ASTN2: variants seen among roughly 807,000 people sequenced by gnomAD.
ASTN2 encodes astrotactin 2.
Under a neutral mutation model 139.8 loss-of-function variants are expected in ASTN2, and 54 were observed. The observed-to-expected ratio is 0.39, with a 90% confidence interval of 0.31 to 0.48. ASTN2 has a LOEUF of 0.48. Among genes scored for constraint, ASTN2 ranks in the 20% least tolerant of loss-of-function variants. The pLI is 0.95. For synonymous variants in ASTN2, 756 were observed against 719.5 expected, an observed-to-expected ratio of 1.05 and a Z score of -0.81; for missense variants, 1,565 against 1,725.1, an observed-to-expected ratio of 0.91 and a Z score of 1.64.
In ASTN2 at chr9:117,138,364, A is replaced by G. The variant is rs1353474624; in HGVS notation, c.1168+2962T>C. 5.3e-5 allele frequency among the ~76,000 whole-genome samples: 8 copies of G among 152,172 alleles called. No individual in the cohort carries two copies. In the East Asian group the frequency reaches 1.5e-3, roughly 29 times the overall value. On this transcript the variant is annotated intron_variant, in intron 4 of 22. Coordinates refer to ENST00000313400, the MANE Select transcript of ASTN2 (RefSeq NM_001365068.1). ...CTGGGGGAAAGAAAGAGGCATGGCA[A>G]GGAGAAGGAGGAACAAGTTCTCAGA...
At chr9:117,027,252 C>G (rs1838115078) in intron 6 of ASTN2, among the ~76,000 whole-genome samples, 1 of 152,164 alleles carries the variant, frequency 6.6e-6, no homozygotes, top group African/African-American at 2.4e-5. Flanking sequence ...TTATTTCATG[C>G]AGCTAGCATT....
intron 4 of ASTN2, among the ~76,000 whole-genome samples, chr9:117,120,018 G>GTGTGTATGTATATATA (rs1306397698): frequency 2.2e-5 from 1 of 46,000 alleles, no homozygotes; most frequent in Non-Finnish European, 3.9e-5. Flanking sequence ...GTGTGTGTGT[G>GTGTGTATGTATATATA]TATATATATA....
chr9:116,533,819 T>A (rs1013572796), intron 19 of ASTN2, among the ~76,000 whole-genome samples: 54 of 152,302 alleles, frequency 3.5e-4, no homozygotes, highest in African/African-American at 1.3e-3. Flanking sequence ...GGTCTAAAAT[T>A]CTCTTTTTTT....
intron 5 of ASTN2, among the ~76,000 whole-genome samples, chr9:117,059,631 A>C (rs1037330730): frequency 1.3e-5 from 2 of 152,206 alleles, no homozygotes; most frequent in South Asian, 2.1e-4. Context: ...TACTATTAAA[A>C]AAACAAACAA....
intron 5 of ASTN2, among the ~76,000 whole-genome samples, chr9:117,095,175 C>T (rs967868460): frequency 1.3e-5 from 2 of 152,196 alleles, no homozygotes; most frequent in Non-Finnish European, 2.9e-5. Flanking sequence ...TGCCCTTTAT[C>T]ACTGGCATGG....
At chr9:117,063,378 G>T (rs571667106) in intron 5 of ASTN2, among the ~76,000 whole-genome samples, 2 of 152,130 alleles carry the variant, frequency 1.3e-5, no homozygotes. Context: ...ATTGAATCAC[G>T]GGGGTGATTT....
chr9:117,398,143 T>C (rs1379169171), intron 1 of ASTN2, among the ~76,000 whole-genome samples: 6 of 152,102 alleles, frequency 3.9e-5, no homozygotes, highest in Non-Finnish European at 5.9e-5. Context: ...AAAAAGAAAA[T>C]TCCCTAAGAC....
At chr9:117,003,403 C>T (rs1028322441) in intron 7 of ASTN2, among the ~76,000 whole-genome samples, 8 of 152,080 alleles carry the variant, frequency 5.3e-5, no homozygotes, top group African/African-American at 1.9e-4. Flanking sequence ...TATATCCTGG[C>T]TTTGCAGTTT....
intron 1 of ASTN2, among the ~76,000 whole-genome samples, chr9:117,300,506 T>C (rs148801797): frequency 3.9e-5 from 6 of 152,316 alleles, no homozygotes; most frequent in Non-Finnish European, 5.9e-5. Context: ...TCAGCAAAGA[T>C]GATAAGTGTG....
intron 9 of ASTN2, among the ~76,000 whole-genome samples, 193 bp downstream of exon 9, chr9:116,975,921 G>A (rs1323035682): frequency 6.6e-6 from 1 of 152,182 alleles, no homozygotes; most frequent in Non-Finnish European, 1.5e-5. Context: ...AAGTCTAGCT[G>A]CCAGACAAAT....
At chr9:116,778,505 G>A (rs188367272) in intron 13 of ASTN2, among the ~76,000 whole-genome samples, 1 of 152,040 alleles carries the variant, frequency 6.6e-6, no homozygotes, top group Non-Finnish European at 1.5e-5. Flanking sequence ...ATACTTGGGG[G>A]CTTCTCAAAA....
At chr9:116,505,777 CT>C (rs1437940942) in intron 19 of ASTN2, among the ~76,000 whole-genome samples, 1 of 152,152 alleles carries the variant, frequency 6.6e-6, no homozygotes, top group Non-Finnish European at 1.5e-5. Context: ...TTCCCTCTCC[CT>C]TTGCTGACTA....
At chr9:117,095,411 A>T (rs1291551474) in intron 5 of ASTN2, among the ~76,000 whole-genome samples, 1 of 152,226 alleles carries the variant, frequency 6.6e-6, no homozygotes, top group Non-Finnish European at 1.5e-5. Context: ...CCATCCCCCT[A>T]CATTGAGTGC....
At chr9:116,630,769 A>G (rs545939593) in intron 17 of ASTN2, among the ~76,000 whole-genome samples, 2 of 152,218 alleles carry the variant, frequency 1.3e-5, no homozygotes, top group Non-Finnish European at 2.9e-5. Flanking sequence ...TAGAGGGAAA[A>G]GACAAAGTAC....
intron 6 of ASTN2, 125 bp downstream of exon 6, chr9:117,039,694 C>CT (rs927999276): frequency 2.4e-5 from 25 of 1,058,374 alleles, no homozygotes; most frequent in Admixed American, 3.6e-5. Flanking sequence ...TTAGATGCTC[C>CT]TTTTTTTCCT....
chr9:117,248,381 G>C (rs540584994), intron 2 of ASTN2, among the ~76,000 whole-genome samples: 83 of 152,334 alleles, frequency 5.4e-4, no homozygotes, highest in South Asian at 1.2e-3. Flanking sequence ...GCTCCAGTTA[G>C]AGGAAATAGA....
intron 2 of ASTN2, among the ~76,000 whole-genome samples, chr9:117,251,504 T>C (rs1419074006): frequency 6.6e-6 from 1 of 152,142 alleles, no homozygotes; most frequent in African/African-American, 2.4e-5. Context: ...ATTCATGTTG[T>C]CTACCTGGTG....
At position 116,679,598 on chromosome 9, in the gene ASTN2, C is replaced by A. The variant is rs530924323; in HGVS notation, c.2807-27805G>T. ...TGTGGCTGCCCTCACCACACCACAC[C>A]TATTCCAAAATTGACCACATAGTTG... On this transcript the variant is annotated intron_variant, in intron 16 of 22. Transcript: ENST00000313400. 5.3e-5 allele frequency among the ~76,000 whole-genome samples: 8 copies of A among 152,218 alleles called. No individual in the cohort carries two copies. The East Asian group carries it at 1.5e-3, about 29-fold the overall frequency.
chr9:116,926,954 C>A (rs926493277), intron 10 of ASTN2, among the ~76,000 whole-genome samples: 1 of 152,080 alleles, frequency 6.6e-6, no homozygotes, highest in African/African-American at 2.4e-5. Flanking sequence ...TGTATGAAAA[C>A]AAAGATAAAA....
Sources: allele counts gnomAD v4.1 joint callset (sites outside exome capture counted in the v4.1 genomes callset), GRCh38; gene constraint gnomAD v4.1.1; transcripts MANE v1.5; gene names NCBI Gene and HGNC (gene_info 2026-07-23, HGNC 2026-07-21).